MEGF11: variants seen among roughly 807,000 people sequenced by gnomAD.
MEGF11 encodes multiple EGF like domains 11, also known as multiple epidermal growth factor-like domains protein 11.
In MEGF11, 126 loss-of-function variants were observed where a neutral mutation model predicts 146.6. That is an observed-to-expected ratio of 0.86 (90% CI 0.74 to 1.00). MEGF11 has a LOEUF of 1.00. MEGF11 is among the 50% of genes least tolerant of loss of function. The pLI, the probability that MEGF11 is intolerant of heterozygous loss-of-function variation, is 0.00. For synonymous variants in MEGF11, 532 were observed against 583.4 expected (o/e 0.91, Z 1.27); for missense variants, 1,509 against 1,521.2 (o/e 0.99, Z 0.13).
At chr15:66,202,283 T>C (rs1340795512) in intron 1 of MEGF11, among the ~76,000 whole-genome samples, 2 of 151,994 alleles carry the variant, frequency 1.3e-5, no homozygotes, top group East Asian at 3.9e-4. Context: ...GCCATTAGAG[T>C]AATCAATGCC....
At chr15:66,253,252 C>T (rs1597178624) in intron 1 of MEGF11, among the ~76,000 whole-genome samples, 2 of 152,194 alleles carry the variant, frequency 1.3e-5, no homozygotes, top group Non-Finnish European at 1.5e-5. Flanking sequence ...GCGCCCTCCC[C>T]GGGACACCCG....
At chr15:66,071,332 C>T (rs1177173895) in intron 5 of MEGF11, among the ~76,000 whole-genome samples, 1 of 152,202 alleles carries the variant, frequency 6.6e-6, no homozygotes, top group Non-Finnish European at 1.5e-5. Flanking sequence ...CCGTGGGGTG[C>T]CGTGCCAGCC....
rs116530231 is a variant in MEGF11, at chr15:66,031,470, T to C, written c.395-48982A>G. ...TCTCCCATGGAGGCCGGGCTGGGGT[T>C]CTACCTCAATCCAGCACCAGATCAG... is the stretch of plus-strand genomic sequence containing the variant. On this transcript the variant is annotated intron_variant, in intron 5 of 25. Transcript: ENST00000395614. Among the ~76,000 whole-genome samples, 900 of 152,304 alleles carry C rather than the reference T, an allele frequency of 5.9e-3. 12 individuals are homozygous for C. The highest frequency in any genetic ancestry group is 0.021 in the African/African-American group (866 of 41,566).
intron 1 of MEGF11, among the ~76,000 whole-genome samples, chr15:66,168,924 G>T (rs2090170767): frequency 6.6e-6 from 1 of 152,240 alleles, no homozygotes; most frequent in Non-Finnish European, 1.5e-5. Context: ...GGAGGTGGAG[G>T]TTGCAGTGAG....
chr15:65,961,704 CAG>C (rs2080863450), intron 9 of MEGF11, among the ~76,000 whole-genome samples: 1 of 152,228 alleles, frequency 6.6e-6, no homozygotes, highest in Admixed American at 6.5e-5. Context: ...GGGCACAGAC[CAG>C]AGAGAGGCTG....
chr15:66,017,124 G>A (rs2140145263), intron 5 of MEGF11, among the ~76,000 whole-genome samples: 1 of 152,340 alleles, frequency 6.6e-6, no homozygotes, highest in South Asian at 2.1e-4. Context: ...ATTATCATAA[G>A]CAGTAGGGGA....
At position 65,965,023 on chromosome 15, in the gene MEGF11, A is replaced by G. The variant is rs1323884666; in HGVS notation, c.997T>C (p.Cys333Arg). The change falls in exon 9 of 26, where the codon TGC (cysteine) becomes CGC (arginine). Residue 333 changes from cysteine to arginine, a missense_variant. Coordinates refer to ENST00000395614, the MANE Select transcript of MEGF11 (RefSeq NM_001385028.1). The stretch of plus-strand genomic sequence containing the variant: ...CCCTTGTAGCCAGGCTCACACTCGC[A>G]GGCACCCGTGGTGGGTGAACACTGC... ...GGQCSPTTGA[C>R]ECEPGYKGPR... 2.5e-6 allele frequency: 4 copies of G among 1,579,496 alleles called. No homozygotes were observed. The highest frequency in any genetic ancestry group is 1.8e-5 in the Admixed American group (1 of 55,548).
intron 10 of MEGF11, among the ~76,000 whole-genome samples, 182 bp downstream of exon 10, chr15:65,957,365 T>C (rs567871072): frequency 1.3e-5 from 2 of 152,286 alleles, no homozygotes; most frequent in East Asian, 3.9e-4. Context: ...CTATTATTTT[T>C]AGTATTACAA....
At chr15:66,115,522 C>T (rs751070887) in intron 4 of MEGF11, among the ~76,000 whole-genome samples, 4 of 152,224 alleles carry the variant, frequency 2.6e-5, no homozygotes, top group Non-Finnish European at 4.4e-5. Context: ...ACACCAGCCT[C>T]TTCAGATTTC....
intron 5 of MEGF11, among the ~76,000 whole-genome samples, chr15:66,006,465 C>T (rs550419194): frequency 2.0e-5 from 3 of 152,302 alleles, no homozygotes; most frequent in East Asian, 1.9e-4. Context: ...GGAGAGTAAA[C>T]AAACTTTCTC....
At chr15:65,956,789 T>G (rs932397717) in intron 10 of MEGF11, among the ~76,000 whole-genome samples, 4 of 152,256 alleles carry the variant, frequency 2.6e-5, no homozygotes, top group Non-Finnish European at 5.9e-5. Context: ...CTCTCCCTCG[T>G]AATCAGAGAA....
chr15:66,024,259 T>A (rs898285687), intron 5 of MEGF11, among the ~76,000 whole-genome samples: 1 of 152,256 alleles, frequency 6.6e-6, no homozygotes, highest in Non-Finnish European at 1.5e-5. Flanking sequence ...AACAAGTCCC[T>A]CCATGGGGGC....
At position 65,982,406 on chromosome 15, in the gene MEGF11, G is replaced by T. The variant is rs570386483; in HGVS notation, c.477C>A (p.Gly159=). 1 of 1,534,248 alleles carries T rather than the reference G, an allele frequency of 6.5e-7. No individual in the cohort carries two copies. Among genetic ancestry groups the T allele is most frequent in the Non-Finnish European group, 8.8e-7 (1 of 1,142,624 alleles). The change falls in exon 6 of 26, where the codon GGC becomes GGA. Residue 159 remains glycine, a synonymous_variant. Transcript: ENST00000395614. The surrounding 1 kb of genome is among the most constrained non-coding windows in gnomAD (Gnocchi z 5.6). ...QNGALCNPIT[G]ACVCAAGFRG... ...GGAAGCCGGCGGCGCACACGCAGGC[G>T]CCTGTGATGGGGTTACACAGGGCGC...
chr15:66,151,068 A>T (rs1331259444), intron 1 of MEGF11, among the ~76,000 whole-genome samples: 1 of 152,124 alleles, frequency 6.6e-6, no homozygotes, highest in African/African-American at 2.4e-5. Context: ...ATGCATTCAG[A>T]ATATTTCAGG....
intron 7 of MEGF11, among the ~76,000 whole-genome samples, chr15:65,972,608 G>A (rs1008061612): frequency 2.0e-5 from 3 of 152,072 alleles, no homozygotes; most frequent in Admixed American, 1.3e-4. Flanking sequence ...GGAATTAAGA[G>A]GGTTTAGACT....
chr15:66,004,374 A>G (rs1239211700), intron 5 of MEGF11, among the ~76,000 whole-genome samples: 1 of 152,056 alleles, frequency 6.6e-6, no homozygotes. Flanking sequence ...GAGAGGGAGG[A>G]TAATTCAACC....
intron 5 of MEGF11, among the ~76,000 whole-genome samples, chr15:65,998,321 G>T (rs1186455453): frequency 6.6e-6 from 1 of 152,138 alleles, no homozygotes; most frequent in Non-Finnish European, 1.5e-5. Flanking sequence ...CCTCAGATTT[G>T]TTCATGACAC....
At chr15:65,959,705 T>A (rs1178681206) in intron 9 of MEGF11, among the ~76,000 whole-genome samples, 12 of 152,202 alleles carry the variant, frequency 7.9e-5, no homozygotes, top group Admixed American at 7.9e-4. Context: ...GGAAGCAATT[T>A]AAATGATAAT....
At chr15:66,058,171 C>G (rs912144770) in intron 5 of MEGF11, among the ~76,000 whole-genome samples, 1 of 152,028 alleles carries the variant, frequency 6.6e-6, no homozygotes, top group Non-Finnish European at 1.5e-5. Context: ...AAGCCGGGGC[C>G]ATATCCCTGC....
Sources: allele counts gnomAD v4.1 joint callset (sites outside exome capture counted in the v4.1 genomes callset), GRCh38; gene constraint gnomAD v4.1.1; non-coding constraint Gnocchi (gnomAD v3.1); transcripts MANE v1.5; gene names NCBI Gene and HGNC (gene_info 2026-07-23, HGNC 2026-07-21).